The following GNG12 variants were observed in gnomAD, a reference collection of about 807,000 sequenced individuals.
GNG12 encodes the protein guanine nucleotide-binding protein G(I)/G(S)/G(O) subunit gamma-12.
For missense variants in GNG12, 69 were observed against 83.8 expected (o/e 0.82, Z 0.69); for synonymous variants, 28 against 29.7 (o/e 0.94, Z 0.19).
chr1:67,797,621 G>A (rs1358857861), intron 1 of GNG12, among the ~76,000 whole-genome samples: 3 of 152,216 alleles, frequency 2.0e-5, no homozygotes, highest in Non-Finnish European at 4.4e-5. Context: ...TGCTGTGATA[G>A]TTCTGACTTT....
At position 67,818,412 on chromosome 1, in the gene GNG12, G is replaced by GTTTTT. The variant is rs1336642112; in HGVS notation, c.-77+14931_-77+14932insAAAAA. ...AAATTATTCATGGGGAAAGACCAGGGGTTTTTTTTTTTTTTTTTTTTTTTT... is the reference window on the plus strand; with the variant it reads ...AAATTATTCATGGGGAAAGACCAGGGTTTTTGTTTTTTTTTTTTTTTTTTTTTTTT... On this transcript the variant is annotated intron_variant, in intron 1 of 3. Transcript: ENST00000370982. Among the ~76,000 whole-genome samples, 24 of 112,616 alleles carry GTTTTT rather than the reference G, an allele frequency of 2.1e-4. 1 individual carries two copies. Among genetic ancestry groups the GTTTTT allele is most frequent in the African/African-American group, 7.1e-4 (18 of 25,444 alleles). The allele number at this position is 112,616 out of a possible 152,430, so 73.9% of individuals were successfully genotyped here.
At chr1:67,753,456 A>C (rs934426685) in intron 2 of GNG12, among the ~76,000 whole-genome samples, 5 of 152,150 alleles carry the variant, frequency 3.3e-5, no homozygotes, top group African/African-American at 1.2e-4. Context: ...CCCTACAGTG[A>C]ACATCACCCA....
chr1:67,758,588 G>C (rs1236117492), intron 2 of GNG12, among the ~76,000 whole-genome samples: 2 of 152,222 alleles, frequency 1.3e-5, no homozygotes, highest in East Asian at 1.9e-4. Context: ...GTACAGCAGA[G>C]AGGGCTGGGC....
intron 2 of GNG12, among the ~76,000 whole-genome samples, chr1:67,767,316 G>A (rs373976333): frequency 2.4e-4 from 37 of 152,270 alleles, no homozygotes; most frequent in African/African-American, 8.9e-4. Flanking sequence ...GGTTCAGCAC[G>A]ACAGGGCCTG....
chr1:67,780,366 G>A (rs1398249956), intron 1 of GNG12, among the ~76,000 whole-genome samples: 1 of 152,118 alleles, frequency 6.6e-6, no homozygotes, highest in Non-Finnish European at 1.5e-5. Flanking sequence ...TCCAACTAGG[G>A]TCCACTTCCC....
intron 2 of GNG12, among the ~76,000 whole-genome samples, chr1:67,767,782 G>C (rs1646649830): frequency 6.6e-6 from 1 of 152,212 alleles, no homozygotes; most frequent in Admixed American, 6.5e-5. Context: ...GTTAAGTTTA[G>C]TTGATGTAGC....
rs887291781 is a variant in GNG12 at position 67,703,042 on chromosome 1, A to T, written c.*2409T>A. 6.6e-6 allele frequency: 1 copy of T among 152,200 alleles called. No homozygotes were observed. The highest frequency in any genetic ancestry group is 2.4e-5 in the African/African-American group (1 of 41,462). 9.4% of individuals were successfully genotyped at this position (152,200 alleles called of 1,614,324 possible). A position where few individuals can be genotyped will look rare whatever the true frequency, so the allele number is the denominator to read the frequency against. Reference sequence around the variant, plus strand: ...AAAAAGTGACTTCTGCATATCATATATATGTATACATATATTTTCTCACAT... The same window carrying T: ...AAAAAGTGACTTCTGCATATCATATTTATGTATACATATATTTTCTCACAT... On this transcript the variant is annotated 3_prime_UTR_variant, in exon 4 of 4. Transcript: ENST00000370982.
chr1:67,718,017 C>T (rs978835881), intron 2 of GNG12, among the ~76,000 whole-genome samples: 5 of 152,196 alleles, frequency 3.3e-5, no homozygotes, highest in East Asian at 1.9e-4. Context: ...TTGCTCAGCA[C>T]GTGCCTGACA....
At chr1:67,804,098 G>A (rs138443955) in intron 1 of GNG12, among the ~76,000 whole-genome samples, 26 of 152,214 alleles carry the variant, frequency 1.7e-4, no homozygotes, top group African/African-American at 6.3e-4. Flanking sequence ...ATGAGGGCAG[G>A]GCCTCAGTAG....
intron 1 of GNG12, among the ~76,000 whole-genome samples, chr1:67,782,830 C>G (rs898860112): frequency 1.3e-5 from 2 of 152,134 alleles, no homozygotes; most frequent in African/African-American, 4.8e-5. Flanking sequence ...TTGGAATTTA[C>G]CCATATTTCC....
chr1:67,748,931 G>C (rs1179392033), intron 2 of GNG12, among the ~76,000 whole-genome samples: 1 of 151,816 alleles, frequency 6.6e-6, no homozygotes, highest in Non-Finnish European at 1.5e-5. Context: ...GTCCAGAATA[G>C]CCTCTCCCTT....
At chr1:67,746,016 C>G (rs1390596305) in intron 2 of GNG12, among the ~76,000 whole-genome samples, 1 of 152,036 alleles carries the variant, frequency 6.6e-6, no homozygotes, top group Non-Finnish European at 1.5e-5. Context: ...AACAAACTTA[C>G]CTAAAGATAT....
intron 2 of GNG12, among the ~76,000 whole-genome samples, chr1:67,761,292 G>A (rs1366690011): frequency 1.3e-5 from 2 of 152,212 alleles, no homozygotes; most frequent in African/African-American, 4.8e-5. Context: ...CACAACCTAT[G>A]AGACAGCTTT....
chr1:67,740,326 T>A (rs900745014), intron 2 of GNG12, among the ~76,000 whole-genome samples: 20 of 152,374 alleles, frequency 1.3e-4, no homozygotes, highest in Non-Finnish European at 2.6e-4. Flanking sequence ...TCCCTGCTGA[T>A]CTGGGGCAGG....
intron 1 of GNG12, among the ~76,000 whole-genome samples, chr1:67,800,456 C>A (rs1403107876): frequency 1.3e-5 from 2 of 152,152 alleles, no homozygotes; most frequent in Admixed American, 1.3e-4. Flanking sequence ...TCTGAATAAT[C>A]AGAGCTTGTC....
At position 67,786,155 on chromosome 1, in the gene GNG12, G is replaced by C. The variant is rs553359097; in HGVS notation, c.-76-8648C>G. Among the ~76,000 whole-genome samples, 4 of 152,288 alleles carry C rather than the reference G, an allele frequency of 2.6e-5. No individual in the cohort carries two copies. The South Asian group carries it at 8.3e-4, about 32-fold the overall frequency. Reference sequence around the variant, plus strand: ...CCTGTGAGCCATGAGATCTTCAAAAGTGGGGATGATTTAACATTTTATTGA... The same window carrying C: ...CCTGTGAGCCATGAGATCTTCAAAACTGGGGATGATTTAACATTTTATTGA... On this transcript the variant is annotated intron_variant, in intron 1 of 3. Transcript: ENST00000370982.
chr1:67,821,765 C>T (rs1335635838), intron 1 of GNG12, among the ~76,000 whole-genome samples: 1 of 144,290 alleles, frequency 6.9e-6, no homozygotes, highest in Non-Finnish European at 1.5e-5. Flanking sequence ...ATAATTTAAT[C>T]AGCAGCTTTT....
chr1:67,791,611 T>A (rs1419808410), intron 1 of GNG12, among the ~76,000 whole-genome samples: 1 of 152,096 alleles, frequency 6.6e-6, no homozygotes, highest in Non-Finnish European at 1.5e-5. Context: ...CAACTGCATA[T>A]CCCATCAATC....
chr1:67,801,911 A>C (rs563858538), intron 1 of GNG12, among the ~76,000 whole-genome samples: 16 of 147,896 alleles, frequency 1.1e-4, no homozygotes, highest in African/African-American at 3.9e-4. Flanking sequence ...AAAGTGGAAG[A>C]AAAGGGAGGA....
Sources: gnomAD v4.1 joint callset for allele counts (sites outside exome capture counted in the v4.1 genomes callset) on GRCh38, gnomAD v4.1.1 for gene constraint, MANE v1.5 for transcripts, NCBI Gene and HGNC (gene_info 2026-07-23, HGNC 2026-07-21) for gene names.